FBXO3: variants seen among roughly 807,000 people sequenced by gnomAD.
FBXO3 encodes F-box only protein 3.
Under a neutral mutation model 64.8 loss-of-function variants are expected in FBXO3, and 17 were observed. The observed-to-expected ratio is 0.26, with a 90% CI of 0.18 to 0.39. FBXO3 has a LOEUF of 0.39. Among genes scored for constraint, FBXO3 ranks in the 10% least tolerant of loss-of-function variants. FBXO3 has a pLI of 1.00. For synonymous variants in FBXO3, 182 were observed against 201.6 expected (o/e 0.90, Z 0.82); for missense variants, 420 against 589.9 (o/e 0.71, Z 2.98).
chr11:33,750,450 T>C, intron 8 of FBXO3, 89 bp downstream of exon 8: 1 of 1,461,284 alleles, frequency 6.8e-7, no homozygotes, highest in Non-Finnish European at 9.4e-7. Flanking sequence ...AAATGTGTCT[T>C]ACATATCATG....
intron 4 of FBXO3, among the ~76,000 whole-genome samples, chr11:33,757,669 A>AAAAAAAAAAC (rs1855139468): frequency 7.0e-6 from 1 of 143,022 alleles, no homozygotes; most frequent in Non-Finnish European, 1.5e-5. Context: ...AAAAAAAAAA[A>AAAAAAAAAAC]AAAAAAAAAA....
At chr11:33,763,319 A>T in intron 3 of FBXO3, 2 of 437,624 alleles carry the variant, frequency 4.6e-6, no homozygotes, top group Non-Finnish European at 9.3e-6. Flanking sequence ...GGAAAATTAC[A>T]GGCCAAACTC....
At chr11:33,751,666 C>G (rs1590567695) in intron 6 of FBXO3, 59 bp from the exon 7 acceptor site, 2 of 981,582 alleles carry the variant, frequency 2.0e-6, no homozygotes, top group Non-Finnish European at 3.0e-6. Context: ...AAAATCTATA[C>G]AGGAAACAAT....
intron 3 of FBXO3, 170 bp downstream of exon 3, chr11:33,768,681 G>A: frequency 1.5e-6 from 1 of 680,458 alleles, no homozygotes; most frequent in East Asian, 2.5e-5. Flanking sequence ...AAAAAACAGG[G>A]TAAGCACTAG....
At position 33,748,907 on chromosome 11, in the gene FBXO3, G is replaced by A. The variant is rs1854883590; in HGVS notation, c.933-15C>T. On this transcript the variant is annotated splice_polypyrimidine_tract_variant and intron_variant, in intron 8 of 10. Coordinates refer to ENST00000265651, the MANE Select transcript of FBXO3 (RefSeq NM_012175.4). ...ACATTTCAATCCTAGAGAAGGGAAT[G>A]GGGTGGTAGAGACAAAAATCTGGCT... is the stretch of plus-strand genomic sequence containing the variant. 1.3e-5 allele frequency: 20 copies of A among 1,567,128 alleles called. No homozygotes were observed. Among genetic ancestry groups the A allele is most frequent in the Non-Finnish European group, 1.7e-5 (19 of 1,138,308 alleles).
At chr11:33,753,926 G>A (rs1364126084) in intron 6 of FBXO3, 1 of 152,124 alleles carries the variant, frequency 6.6e-6, no homozygotes, top group Admixed American at 6.5e-5. Flanking sequence ...AAATTGAAGG[G>A]TTCTCAAAAC....
rs1190807772 is a variant in FBXO3, at chr11:33,748,857, G to C, written c.968C>G (p.Ala323Gly). 1.2e-6 allele frequency: 2 copies of C among 1,613,570 alleles called. No individual in the cohort carries two copies. Among genetic ancestry groups the C allele is most frequent in the African/African-American group, 2.7e-5 (2 of 74,902 alleles). ...CCAATAGCGACTGTCCAACTGACAG[G>C]CCTTCTCAGGAAGTGCATCTTTTGA... ...EMSKDALPEK[A>G]CQLDSRYWRI... is the part of the protein sequence containing the mutation. The change falls in exon 9 of 11, where the codon GCC becomes GGC. Residue 323 changes from alanine to glycine, a missense_variant. Ala to Gly is a moderately conservative substitution (Grantham distance 60). Transcript: ENST00000265651.
intron 3 of FBXO3, among the ~76,000 whole-genome samples, chr11:33,759,351 G>A (rs774714756): frequency 6.6e-5 from 10 of 152,116 alleles, no homozygotes; most frequent in Non-Finnish European, 1.2e-4. Context: ...GAGGTTGAGT[G>A]GCCAAGAAGC....
chr11:33,750,641 C>T lies in FBXO3; in HGVS notation c.830G>A (p.Cys277Tyr). ...QIFRYVHDPE[C>Y]VATTGDITVS... Reference sequence around the variant, plus strand: ...AGTAATATCCCCAGTTGTTGCTACACATTCTGGATCGTGAACATATCTAGG... The same window carrying T: ...AGTAATATCCCCAGTTGTTGCTACATATTCTGGATCGTGAACATATCTAGG... Residue 277 changes from cysteine to tyrosine, a missense_variant, in exon 8 of 11, where the codon TGT (cysteine) becomes TAT (tyrosine). By Grantham distance (194) the Cys-to-Tyr change is radical. Around this residue, in one of 3 missense-constraint regions of FBXO3, gnomAD observed 337 missense variants for 518.4 expected, o/e 0.65. Transcript: ENST00000265651. 6.2e-7 allele frequency: 1 copy of T among 1,613,268 alleles called. No homozygotes were observed. The highest frequency in any genetic ancestry group is 8.5e-7 in the Non-Finnish European group (1 of 1,179,394).
At chr11:33,766,289 C>A (rs1304159393) in intron 3 of FBXO3, among the ~76,000 whole-genome samples, 1 of 152,184 alleles carries the variant, frequency 6.6e-6, no homozygotes, top group African/African-American at 2.4e-5. Flanking sequence ...CACTTAAACT[C>A]TCCGGGTATG....
chr11:33,766,100 C>T (rs895219144), intron 3 of FBXO3, among the ~76,000 whole-genome samples: 1 of 152,190 alleles, frequency 6.6e-6, no homozygotes, highest in African/African-American at 2.4e-5. Flanking sequence ...ATAATACCAC[C>T]TACCTTAGAG....
chr11:33,750,622 A>G lies in FBXO3; in HGVS notation c.849T>C (p.Asp283=), dbSNP rs1854931102. 1.2e-6 allele frequency: 2 copies of G among 1,613,680 alleles called. No homozygotes were observed. Among genetic ancestry groups the G allele is most frequent in the Non-Finnish European group, 1.7e-6 (2 of 1,179,732 alleles). ...HDPECVATTG[D]ITVSVSTSFL... Reference sequence around the variant, plus strand: ...ACGATGTGGAAACTGACACAGTAATATCCCCAGTTGTTGCTACACATTCTG... The same window carrying G: ...ACGATGTGGAAACTGACACAGTAATGTCCCCAGTTGTTGCTACACATTCTG... The change falls in exon 8 of 11, where the codon GAT becomes GAC. Residue 283 remains aspartate, a synonymous_variant. Transcript: ENST00000265651.
intron 6 of FBXO3, 90 bp downstream of exon 6, chr11:33,754,365 A>G: frequency 3.8e-6 from 4 of 1,064,544 alleles, no homozygotes; most frequent in Non-Finnish European, 5.4e-6. Flanking sequence ...GCCAGCTGCT[A>G]AAGTAGCTGA....
intron 10 of FBXO3, chr11:33,746,920 T>C (rs1854826289): frequency 7.0e-7 from 1 of 1,428,492 alleles, no homozygotes; most frequent in African/African-American, 1.4e-5. Flanking sequence ...GTTGAATCTT[T>C]AAAACAGCAG....
chr11:33,747,837 C>A, intron 9 of FBXO3, among the ~76,000 whole-genome samples: 1 of 149,792 alleles, frequency 6.7e-6, no homozygotes, highest in African/African-American at 2.5e-5. Flanking sequence ...TAATGTATTC[C>A]TCAAATTCCC....
intron 2 of FBXO3, 63 bp from the exon 3 acceptor site, chr11:33,769,077 T>C: frequency 7.5e-7 from 1 of 1,331,374 alleles, no homozygotes; most frequent in Non-Finnish European, 1.0e-6. Flanking sequence ...TTATTTTAGA[T>C]ACCTACAACA....
chr11:33,743,104 G>A lies in FBXO3; in HGVS notation c.1240-1020C>T, dbSNP rs1056009169. 1 of 152,162 alleles carries A rather than the reference G, an allele frequency of 6.6e-6. No homozygotes were observed. Among genetic ancestry groups the A allele is most frequent in the South Asian group, 2.1e-4 (1 of 4,822 alleles). The allele number at this position is 152,162 out of a possible 1,614,324, so 9.4% of individuals were successfully genotyped here. On this transcript the variant is annotated intron_variant, in intron 10 of 10. Coordinates refer to ENST00000265651, the MANE Select transcript of FBXO3 (RefSeq NM_012175.4). The surrounding 1 kb of genome is among the most constrained non-coding windows in gnomAD (Gnocchi z 4.6). ...TTCATGGTAGCTGGACTTCTTACAT[G>A]GTGGCTCAGGGTGTCAAAGACACAT...
At chr11:33,763,243 T>A (rs1027819384) in intron 3 of FBXO3, 6 of 445,064 alleles carry the variant, frequency 1.3e-5, no homozygotes, top group African/African-American at 1.2e-4. Context: ...AGGCAACACT[T>A]CTCGACTCGT....
intron 10 of FBXO3, 30 bp from the exon 11 acceptor site, chr11:33,742,114 AAGAGCATCTATC>A: frequency 2.7e-6 from 4 of 1,492,050 alleles, no homozygotes; most frequent in Non-Finnish European, 3.6e-6. Context: ...TTTTGATAAG[AAGAGCATCTATC>A]AGTTTTTTAG....
Sources: allele counts gnomAD v4.1 joint callset (sites outside exome capture counted in the v4.1 genomes callset), GRCh38; gene constraint gnomAD v4.1.1; regional missense constraint gnomAD v4.1.1; non-coding constraint Gnocchi (gnomAD v3.1); transcripts MANE v1.5; gene names NCBI Gene and HGNC (gene_info 2026-07-23, HGNC 2026-07-21).